SPON2: variants seen among roughly 807,000 people sequenced by gnomAD.
The protein encoded by SPON2 is spondin-2.
In SPON2, 32 loss-of-function variants were observed where a neutral mutation model predicts 29.9. The ratio of observed to expected loss-of-function variants is 1.07; its 90% confidence interval spans 0.81 to 1.44. The LOEUF is 1.44. SPON2 is among the 40% of genes most tolerant of loss of function. The pLI is 0.00. For synonymous variants in SPON2, 248 were observed against 209.1 expected (o/e 1.19, Z -1.61); for missense variants, 541 against 455.5 (o/e 1.19, Z -1.71).
intron 1 of SPON2, among the ~76,000 whole-genome samples, chr4:1,191,623 G>C (rs532626294): frequency 6.6e-6 from 1 of 152,220 alleles, no homozygotes; most frequent in South Asian, 2.1e-4. Context: ...TTGGGATGAT[G>C]GCGCCCCTCC....
At chr4:1,172,887 TCCC>T (rs1727507073), upstream of SPON2, 2 of 766 alleles carry the variant, frequency 2.6e-3, no homozygotes, top group Non-Finnish European at 8.6e-3. Context: ...TCCCTTCCCC[TCCC>T]CTCCCCTCCT....
chr4:1,179,843 G>C (rs1021055017), intron 1 of SPON2, among the ~76,000 whole-genome samples: 1 of 152,126 alleles, frequency 6.6e-6, no homozygotes, highest in Non-Finnish European at 1.5e-5. Flanking sequence ...GTCTGTTTCT[G>C]ACTTGATTCA....
chr4:1,205,169 C>T (rs12508446), intron 1 of SPON2: 67,570 of 152,406 alleles, frequency 0.44, 15,346 homozygotes, highest in South Asian at 0.58. Flanking sequence ...ACGCCCTCCC[C>T]GTAACGCTGA....
At chr4:1,173,864 T>C (rs1727535504), upstream of SPON2, among the ~76,000 whole-genome samples, 2 of 152,226 alleles carry the variant, frequency 1.3e-5, no homozygotes, top group Non-Finnish European at 2.9e-5. Context: ...TCCACCTCCG[T>C]GCTTCTCAAA....
intron 4 of SPON2, 124 bp downstream of exon 4, chr4:1,170,875 C>T (rs940403923): frequency 4.5e-6 from 6 of 1,328,762 alleles, no homozygotes; most frequent in Non-Finnish European, 6.3e-6. Context: ...AGAAGCAGAG[C>T]CTCTTCCACA....
intron 1 of SPON2, chr4:1,200,788 C>A: frequency 2.2e-6 from 1 of 456,556 alleles, no homozygotes; most frequent in Non-Finnish European, 4.4e-6. Flanking sequence ...CCTCTGGTCC[C>A]TGCCTTTGCT....
chr4:1,191,271 A>G (rs1320700323), intron 1 of SPON2, among the ~76,000 whole-genome samples: 2 of 152,146 alleles, frequency 1.3e-5, no homozygotes, highest in African/African-American at 4.8e-5. Context: ...AGGTATAGAG[A>G]CAATGGAACA....
Position 1,167,441 on chromosome 4 carries a change from G to C in SPON2, c.*31C>G. 6.3e-7 allele frequency: 1 copy of C among 1,592,278 alleles called. No homozygotes were observed. The highest frequency in any genetic ancestry group is 8.6e-7 in the Non-Finnish European group (1 of 1,167,044). ...GGAGCCCCCGACACCCCATGGCTCC[G>C]GGGGGCCCCAGGGGCTGCGGGGCTC... On this transcript the variant is annotated 3_prime_UTR_variant, in exon 6 of 6. Coordinates refer to ENST00000290902, the MANE Select transcript of SPON2 (RefSeq NM_012445.4).
In SPON2 at chr4:1,171,341, C is replaced by G; in HGVS notation, c.366G>C (p.Ala122=). Residue 122 remains alanine, a synonymous_variant, in exon 3 of 6, where the codon GCG becomes GCC. Coordinates refer to ENST00000290902, the MANE Select transcript of SPON2 (RefSeq NM_012445.4). ...AAGEALQSVH[A]VFSAPAVPSG... ...TGGGGACGGCGGGCGCCGAAAACAC[C>G]GCGTGCACGCTCTGCAGCGCCTCCC... 6.2e-7 allele frequency: 1 copy of G among 1,608,424 alleles called. No individual in the cohort carries two copies. The highest frequency in any genetic ancestry group is 8.5e-7 in the Non-Finnish European group (1 of 1,179,224).
intron 1 of SPON2, among the ~76,000 whole-genome samples, chr4:1,183,206 C>T (rs993298642): frequency 1.4e-5 from 2 of 140,520 alleles, no homozygotes; most frequent in Non-Finnish European, 3.0e-5. Flanking sequence ...CGCACCACTG[C>T]ACTCCAACCT....
Position 1,171,460 on chromosome 4 carries a change from T to G in SPON2, c.247A>C (p.Met83Leu). ...LGAAHSSDYS[M>L]WRKNQYVSNG... is the part of the protein sequence containing the mutation. ...CTGACGTACTGGTTCTTCCTCCACA[T>G]GCTGTAGTCGGAGCTATGCGCGGCC... The change falls in exon 3 of 6, where the codon ATG becomes CTG. Residue 83 changes from methionine to leucine, a missense_variant. Met to Leu is a conservative substitution (Grantham distance 15). Coordinates refer to ENST00000290902, the MANE Select transcript of SPON2 (RefSeq NM_012445.4). The G allele has an allele frequency of 6.2e-7, 1 of 1,612,012 alleles. No homozygotes were observed. Among genetic ancestry groups the G allele is most frequent in the Non-Finnish European group, 8.5e-7 (1 of 1,179,640 alleles).
chr4:1,172,210 C>G (rs1727483202), intron 1 of SPON2, 136 bp from the exon 2 acceptor site: 1 of 750,370 alleles, frequency 1.3e-6, no homozygotes, highest in Non-Finnish European at 2.1e-6. Context: ...CTCCGCAAAG[C>G]TCTCCTGCGG....
chr4:1,185,022 A>T lies in SPON2; in HGVS notation c.-238-5481T>A, dbSNP rs150779200. Among the ~76,000 whole-genome samples the T allele has an allele frequency of 5.0e-3, 759 of 151,936 alleles. 7 individuals are homozygous for T. Among genetic ancestry groups the T allele is most frequent in the Middle Eastern group, 0.031 (9 of 292 alleles). ...AAACTCTCACATATATGGCCAGATGATTTTTGACAAAAGTGCCAAGACCAT... is the reference window on the plus strand; with the variant it reads ...AAACTCTCACATATATGGCCAGATGTTTTTTGACAAAAGTGCCAAGACCAT... On this transcript the variant is annotated intron_variant, in intron 1 of 3. Coordinates refer to the SPON2 transcript ENST00000502483.
At chr4:1,200,605 C>T (rs1280079923) in intron 1 of SPON2, 4 of 348,484 alleles carry the variant, frequency 1.1e-5, no homozygotes, top group Non-Finnish European at 2.3e-5. Context: ...TGGCTGCCCC[C>T]ACAACAGCTG....
At chr4:1,170,938 C>G in intron 4 of SPON2, 61 bp downstream of exon 4, 1 of 1,540,328 alleles carries the variant, frequency 6.5e-7, no homozygotes, top group Non-Finnish European at 8.8e-7. Flanking sequence ...CAGCCAGGCC[C>G]CAGCCCCGTC....
In SPON2 at chr4:1,171,396, C is replaced by T; in HGVS notation, c.311G>A (p.Trp104Ter). Residue 104 changes from tryptophan to a stop codon, truncating the protein, a stop_gained, in exon 3 of 6, where the codon TGG becomes TAG. Coordinates refer to ENST00000290902, the MANE Select transcript of SPON2 (RefSeq NM_012445.4). LOFTEE classifies it high-confidence loss of function. Reference sequence around the variant, plus strand: ...CGCCTCGATCTCCTTCATCAGCGCCCAGGCCTCGCCGCGCTCCGCAAAGTC... The same window carrying T: ...CGCCTCGATCTCCTTCATCAGCGCCTAGGCCTCGCCGCGCTCCGCAAAGTC... ...LRDFAERGEAWALMKEIEAAG... is the reference protein window; with the variant it reads ...LRDFAERGEA 6.2e-7 allele frequency: 1 copy of T among 1,612,314 alleles called. No homozygotes were observed. Among genetic ancestry groups the T allele is most frequent in the Non-Finnish European group, 8.5e-7 (1 of 1,179,792 alleles).
intron 1 of SPON2, among the ~76,000 whole-genome samples, chr4:1,183,730 T>A (rs1031640031): frequency 2.6e-5 from 4 of 152,214 alleles, no homozygotes; most frequent in African/African-American, 9.6e-5. Context: ...ATTAAGCAGG[T>A]ATAAATTTAA....
intron 1 of SPON2, chr4:1,204,992 T>C (rs113954725): frequency 1.3e-5 from 2 of 152,292 alleles, no homozygotes; most frequent in Non-Finnish European, 2.9e-5. Flanking sequence ...CTCTGCCTTC[T>C]AATCAGTTTT....
At chr4:1,169,490 T>C (rs1212486516) in intron 5 of SPON2, among the ~76,000 whole-genome samples, 1 of 152,164 alleles carries the variant, frequency 6.6e-6, no homozygotes, top group African/African-American at 2.4e-5. Flanking sequence ...GGCGGCCTCC[T>C]GTCTGACCTG....
Sources: gnomAD v4.1 joint callset for allele counts (sites outside exome capture counted in the v4.1 genomes callset) on GRCh38, gnomAD v4.1.1 for gene constraint, MANE v1.5 for transcripts, NCBI Gene and HGNC (gene_info 2026-07-23, HGNC 2026-07-21) for gene names.